DENND1A: variants seen among roughly 807,000 people sequenced by gnomAD.
The protein encoded by DENND1A is DENN domain containing 1A, also known as DENN domain-containing protein 1A.
In DENND1A, 51 loss-of-function variants were observed where a neutral mutation model predicts 113.7. That is an observed-to-expected ratio of 0.45 (90% CI 0.36 to 0.57). The LOEUF is 0.57. Among genes scored for constraint, DENND1A ranks in the 20% least tolerant of loss-of-function variants. DENND1A has a pLI of 0.00. For synonymous variants in DENND1A, 565 were observed against 570.8 expected (o/e 0.99, Z 0.14); for missense variants, 1,258 against 1,395.9 (o/e 0.90, Z 1.57).
At chr9:123,908,722 A>G (rs1055794219) in intron 1 of DENND1A, among the ~76,000 whole-genome samples, 3 of 150,700 alleles carry the variant, frequency 2.0e-5, no homozygotes, top group Non-Finnish European at 4.5e-5. Flanking sequence ...GGATGTGGAG[A>G]AATAGGAACA....
chr9:123,643,664 A>C (rs566108075), intron 9 of DENND1A, among the ~76,000 whole-genome samples: 2 of 152,348 alleles, frequency 1.3e-5, no homozygotes, highest in East Asian at 3.9e-4. Flanking sequence ...GGCCGCACTC[A>C]TGGTAGGAAT....
chr9:123,871,900 C>A (rs967772764), intron 2 of DENND1A, among the ~76,000 whole-genome samples: 1 of 152,140 alleles, frequency 6.6e-6, no homozygotes, highest in Non-Finnish European at 1.5e-5. Flanking sequence ...GAAGAGTGCC[C>A]GCTGCAGGCT....
chr9:123,576,376 T>C (rs1481020261), intron 12 of DENND1A, among the ~76,000 whole-genome samples: 1 of 152,254 alleles, frequency 6.6e-6, no homozygotes, highest in Non-Finnish European at 1.5e-5. Context: ...TCTGTGGTTC[T>C]CTTCACTTCC....
chr9:123,394,018 G>T (rs2042990065), intron 21 of DENND1A, among the ~76,000 whole-genome samples: 2 of 150,546 alleles, frequency 1.3e-5, no homozygotes, highest in Admixed American at 1.3e-4. Context: ...TTGAGACGGA[G>T]TCTCACTCTG....
At chr9:123,475,972 T>A (rs934319920) in intron 13 of DENND1A, among the ~76,000 whole-genome samples, 1 of 152,058 alleles carries the variant, frequency 6.6e-6, no homozygotes. Flanking sequence ...TCACTTGAGG[T>A]CAGGAGTTCA....
chr9:123,776,947 A>G (rs1830559778), intron 3 of DENND1A, among the ~76,000 whole-genome samples: 1 of 152,228 alleles, frequency 6.6e-6, no homozygotes, highest in African/African-American at 2.4e-5. Context: ...AGGCTTCTCC[A>G]AAGTCCACAC....
At chr9:123,393,280 A>G (rs4838056) in intron 21 of DENND1A, among the ~76,000 whole-genome samples, 7,284 of 152,258 alleles carry the variant, frequency 0.048, 393 homozygotes, top group East Asian at 0.19. Context: ...TATCCTGTGC[A>G]GGGTCTTTCC....
chr9:123,492,208 G>C (rs1172457471), intron 13 of DENND1A: 1 of 152,430 alleles, frequency 6.6e-6, no homozygotes, highest in African/African-American at 2.4e-5. Context: ...GAGACAGACA[G>C]GCACATGAGG....
chr9:123,709,022 C>T (rs1047643247), intron 5 of DENND1A, among the ~76,000 whole-genome samples: 7 of 152,368 alleles, frequency 4.6e-5, no homozygotes, highest in Middle Eastern at 6.8e-3. Flanking sequence ...AGGCTGCCTA[C>T]CATTCCCCTG....
At chr9:123,588,629 A>G (rs1415118966) in intron 11 of DENND1A, among the ~76,000 whole-genome samples, 2 of 123,876 alleles carry the variant, frequency 1.6e-5, no homozygotes, top group Non-Finnish European at 3.4e-5. Context: ...TCAAAAAAAA[A>G]AAAAGGGGGG....
intron 2 of DENND1A, among the ~76,000 whole-genome samples, chr9:123,847,890 C>T (rs546566354): frequency 6.6e-6 from 1 of 152,148 alleles, no homozygotes; most frequent in South Asian, 2.1e-4. Context: ...GCCGAGATAG[C>T]CCCACTGTAC....
At chr9:123,385,643 G>A (rs2042526796) in intron 22 of DENND1A, among the ~76,000 whole-genome samples, 1 of 152,222 alleles carries the variant, frequency 6.6e-6, no homozygotes, top group Non-Finnish European at 1.5e-5. Flanking sequence ...CCAGTGATGG[G>A]CAGGGACTCC....
At chr9:123,716,191 T>A (rs1278315217) in intron 5 of DENND1A, among the ~76,000 whole-genome samples, 1 of 152,156 alleles carries the variant, frequency 6.6e-6, no homozygotes, top group Non-Finnish European at 1.5e-5. Flanking sequence ...ACAAGGGAAA[T>A]TATTTTCCCT....
chr9:123,617,657 G>A (rs909657487), intron 10 of DENND1A, among the ~76,000 whole-genome samples: 4 of 152,198 alleles, frequency 2.6e-5, no homozygotes, highest in African/African-American at 7.2e-5. Context: ...CGACAGACTC[G>A]GAAAACATCA....
chr9:123,422,250 C>A lies in DENND1A; in HGVS notation c.1489-10421G>T, dbSNP rs920100898. Reference sequence around the variant, plus strand: ...CCCAGCATCTGAATAATGCCAGACCCGCCAGTCATTGTCCCCATGATTTGA... The same window carrying A: ...CCCAGCATCTGAATAATGCCAGACCAGCCAGTCATTGTCCCCATGATTTGA... On this transcript the variant is annotated intron_variant, in intron 19 of 23. Transcript: ENST00000394215. This position sits in a 1 kb window ranked among gnomAD's most constrained non-coding sequence, Gnocchi z 4.8. Among the ~76,000 whole-genome samples, 4 of 152,210 alleles carry A rather than the reference C, an allele frequency of 2.6e-5. No individual in the cohort carries two copies. Among genetic ancestry groups the A allele is most frequent in the African/African-American group, 9.7e-5 (4 of 41,448 alleles).
intron 13 of DENND1A, among the ~76,000 whole-genome samples, chr9:123,469,815 T>A (rs1033086289): frequency 8.5e-5 from 13 of 152,142 alleles, no homozygotes; most frequent in African/African-American, 3.1e-4. Context: ...TGATCTCCAT[T>A]TTACAGATAA....
intron 2 of DENND1A, among the ~76,000 whole-genome samples, chr9:123,864,218 G>C (rs962278832): frequency 6.6e-6 from 1 of 152,112 alleles, no homozygotes; most frequent in Non-Finnish European, 1.5e-5. Context: ...CATTATCCAA[G>C]TTTTATTTGC....
At chr9:123,746,007 A>T (rs149876214) in intron 5 of DENND1A, among the ~76,000 whole-genome samples, 54 of 152,336 alleles carry the variant, frequency 3.5e-4, no homozygotes, top group Admixed American at 9.8e-4. Flanking sequence ...ATACTATACT[A>T]TTTAGGGATG....
rs796720873 is a variant in DENND1A, at chr9:123,728,506, A to C, written c.302+29197T>G. Among the ~76,000 whole-genome samples the C allele has an allele frequency of 5.8e-4, 85 of 145,904 alleles. 1 individual carries two copies. The highest frequency in any genetic ancestry group is 2.3e-3 in the African/African-American group (84 of 37,180). ...AAAAAAAAAAAAAAAAAAAAAAAAA[A>C]AAAACAGGCATCAGTCATCTTTACC... On this transcript the variant is annotated intron_variant, in intron 5 of 23. Transcript: ENST00000394215.
Sources: gnomAD v4.1 joint callset for allele counts (sites outside exome capture counted in the v4.1 genomes callset) on GRCh38, gnomAD v4.1.1 for gene constraint, Gnocchi (gnomAD v3.1) non-coding constraint, MANE v1.5 for transcripts, NCBI Gene and HGNC (gene_info 2026-07-23, HGNC 2026-07-21) for gene names.